The following CDR2 variants were observed in gnomAD, a reference collection of about 807,000 sequenced individuals.
The protein encoded by CDR2 is cerebellar degeneration-related protein 2.
In CDR2, 34 loss-of-function variants were observed where a neutral mutation model predicts 48.4. That is an observed-to-expected ratio of 0.70 (90% CI 0.53 to 0.94). The LOEUF is 0.94. Among genes scored for constraint, CDR2 ranks in the 40% least tolerant of loss-of-function variants. The pLI is 0.00. For synonymous variants in CDR2, 240 were observed against 219.7 expected (o/e 1.09, Z -0.82); for missense variants, 498 against 549.5 (o/e 0.91, Z 0.94).
In CDR2 at chr16:22,364,958, C is replaced by T. The variant is rs1428800066; in HGVS notation, c.136G>A (p.Glu46Lys). 1.2e-6 allele frequency: 2 copies of T among 1,613,584 alleles called. No homozygotes were observed. Among genetic ancestry groups the T allele is most frequent in the East Asian group, 2.2e-5 (1 of 44,866 alleles). ...KTLLDRNTEL[E>K]DSVQQMYTTN... ...GTATACATCTGCTGAACAGAGTCCT[C>T]CAACTCTGTGTTCCGATCCAGTAAT... is the stretch of plus-strand genomic sequence containing the variant. The change falls in exon 2 of 5, where the codon GAG (glutamate) becomes AAG (lysine). Residue 46 changes from glutamate (E) to lysine (K), a missense_variant. Transcript: ENST00000268383.
At chr16:22,364,745 C>T (rs2049033589) in intron 2 of CDR2, among the ~76,000 whole-genome samples, 157 bp downstream of exon 2, 1 of 152,142 alleles carries the variant, frequency 6.6e-6, no homozygotes, top group Admixed American at 6.5e-5. Context: ...CGCCTGTAAT[C>T]CCAGCTACTC....
chr16:22,374,367 C>T lies in CDR2; in HGVS notation c.-58G>A. On this transcript the variant is annotated 5_prime_UTR_variant, in exon 1 of 5. Transcript: ENST00000268383. The stretch of plus-strand genomic sequence containing the variant: ...GCCGCCGTCCCGCCTCAGCCGCTGC[C>T]CCGGGCTCTTCCCCGGCCCCTCCGC... 7.8e-7 allele frequency: 1 copy of T among 1,286,552 alleles called. No homozygotes were observed. The allele number at this position is 1,286,552 out of a possible 1,614,324, so 79.7% of individuals were successfully genotyped here. A position where few individuals can be genotyped will look rare whatever the true frequency, so the allele number is the denominator to read the frequency against.
intron 1 of CDR2, among the ~76,000 whole-genome samples, chr16:22,373,251 A>G (rs2141857074): frequency 6.6e-6 from 1 of 152,314 alleles, no homozygotes; most frequent in East Asian, 1.9e-4. Flanking sequence ...GGGCTACTCT[A>G]CGATTGTTCT....
chr16:22,372,250 C>G (rs1372151838), intron 1 of CDR2, among the ~76,000 whole-genome samples: 1 of 152,156 alleles, frequency 6.6e-6, no homozygotes, highest in Non-Finnish European at 1.5e-5. Context: ...CCTCGTGTAA[C>G]CCTGACACGT....
At chr16:22,352,687 A>T (rs1035862272) in intron 2 of CDR2, among the ~76,000 whole-genome samples, 1 of 150,596 alleles carries the variant, frequency 6.6e-6, no homozygotes, top group Non-Finnish European at 1.5e-5. Flanking sequence ...ATTTAAGGGG[A>T]AAAAAAAAAT....
At chr16:22,362,047 G>A (rs1250262398) in intron 2 of CDR2, among the ~76,000 whole-genome samples, 3 of 151,808 alleles carry the variant, frequency 2.0e-5, no homozygotes, top group African/African-American at 7.3e-5. Flanking sequence ...GACTACAGGC[G>A]CCCGCCACCA....
rs144271194 is a variant in CDR2, at chr16:22,359,712, A to G, written c.192+5190T>C. Among the ~76,000 whole-genome samples, 512 of 152,298 alleles carry G rather than the reference A, an allele frequency of 3.4e-3. 4 individuals carry two copies. The Middle Eastern group carries it at 0.061, about 18-fold the overall frequency. On this transcript the variant is annotated intron_variant, in intron 2 of 4. Transcript: ENST00000268383. ...ATTAAAATTGAGGGTTTAAACCTGA[A>G]TCTCCTAAAACAGAGGCCAGAGCCC...
At chr16:22,371,848 A>ATGTATGTGTGTGTGTGTGTGTG (rs1188848345) in intron 1 of CDR2, among the ~76,000 whole-genome samples, 1 of 148,446 alleles carries the variant, frequency 6.7e-6, no homozygotes, top group African/African-American at 2.5e-5. Flanking sequence ...AGGTTCAGAT[A>ATGTATGTGTGTGTGTGTGTGTG]TGTGTGTGTG....
rs757705179 is a variant in CDR2 at position 22,374,325 on chromosome 16, T to G, written c.-16A>C. ...CCGCCAGCATCTCGGCTGGGTCTTCTAGGGGCAGCGGCCCCCGCCGCCGTC... is the reference window on the plus strand; with the variant it reads ...CCGCCAGCATCTCGGCTGGGTCTTCGAGGGGCAGCGGCCCCCGCCGCCGTC... On this transcript the variant is annotated 5_prime_UTR_variant, in exon 1 of 5. Transcript: ENST00000268383. 2 of 1,569,278 alleles carry G rather than the reference T, an allele frequency of 1.3e-6. No homozygotes were observed. The highest frequency in any genetic ancestry group is 1.7e-6 in the Non-Finnish European group (2 of 1,152,718).
At chr16:22,365,717 AG>A (rs1182519733) in intron 1 of CDR2, among the ~76,000 whole-genome samples, 1 of 152,250 alleles carries the variant, frequency 6.6e-6, no homozygotes, top group Non-Finnish European at 1.5e-5. Flanking sequence ...CCCATAAAAC[AG>A]GATTTGTTTA....
rs545308226 is a variant in CDR2 at position 22,351,541 on chromosome 16, C to A, written c.193-1692G>T. ...TTAATTTGGAAAAAAAAATCAATCTCTTTCTCTGAATGAGGCATTCTGGAC... is the reference window on the plus strand; with the variant it reads ...TTAATTTGGAAAAAAAAATCAATCTATTTCTCTGAATGAGGCATTCTGGAC... On this transcript the variant is annotated intron_variant, in intron 2 of 4. Coordinates refer to ENST00000268383, the MANE Select transcript of CDR2 (RefSeq NM_001802.2). 1.2e-4 allele frequency among the ~76,000 whole-genome samples: 18 copies of A among 152,256 alleles called. No individual in the cohort carries two copies. The South Asian group carries it at 3.7e-3, about 32-fold the overall frequency.
Position 22,347,733 on chromosome 16 carries a change from T to C in CDR2, c.597A>G (p.Lys199=). 6.2e-7 allele frequency: 1 copy of C among 1,614,164 alleles called. No individual in the cohort carries two copies. Among genetic ancestry groups the C allele is most frequent in the Non-Finnish European group, 8.5e-7 (1 of 1,180,042 alleles). ...SPDEEENEHL[K]KTVTMLQAQL... ...GGGCCTGCAACATTGTCACTGTTTTTTTCAAGTGCTCATTTTCCTCTTCAT... is the reference window on the plus strand; with the variant it reads ...GGGCCTGCAACATTGTCACTGTTTTCTTCAAGTGCTCATTTTCCTCTTCAT... Residue 199 remains lysine (K), a synonymous_variant, in exon 5 of 5, where the codon AAA becomes AAG. Coordinates refer to ENST00000268383, the MANE Select transcript of CDR2 (RefSeq NM_001802.2).
chr16:22,347,484 AG>A lies in CDR2; in HGVS notation c.845del (p.Pro282LeufsTer15). On this transcript the variant is annotated frameshift_variant, in exon 5 of 5. Coordinates refer to ENST00000268383, the MANE Select transcript of CDR2 (RefSeq NM_001802.2). LOFTEE classifies it high-confidence loss of function. ...GCAGGCTCTGGCTGGGCTCTTTGAAAGGAACATACAGAGAGTCTGGCACCAG... is the reference window on the plus strand; with the variant it reads ...GCAGGCTCTGGCTGGGCTCTTTGAAAGAACATACAGAGAGTCTGGCACCAG... ...EKLVPDSLYV[P>X]FKEPSQSLLE... 9 of 1,614,088 alleles carry A rather than the reference AG, an allele frequency of 5.6e-6. No individual in the cohort carries two copies. Among genetic ancestry groups the A allele is most frequent in the Non-Finnish European group, 7.6e-6 (9 of 1,180,028 alleles).
intron 2 of CDR2, among the ~76,000 whole-genome samples, 167 bp downstream of exon 2, chr16:22,364,735 C>T (rs537670084): frequency 1.3e-4 from 19 of 151,938 alleles, no homozygotes; most frequent in Non-Finnish European, 1.6e-4. Context: ...TGGTGGCAGG[C>T]GCCTGTAATC....
intron 2 of CDR2, among the ~76,000 whole-genome samples, chr16:22,357,127 C>T (rs935448919): frequency 6.6e-6 from 1 of 152,094 alleles, no homozygotes; most frequent in Non-Finnish European, 1.5e-5. Context: ...CAGCTCACTG[C>T]AATCTTGGTC....
intron 2 of CDR2, among the ~76,000 whole-genome samples, chr16:22,351,031 G>T (rs528019573): frequency 1.6e-4 from 24 of 152,052 alleles, no homozygotes; most frequent in Non-Finnish European, 2.9e-4. Context: ...CACCCCGACA[G>T]GCCCCAGTGT....
Position 22,346,909 on chromosome 16 carries a change from A to G in CDR2, c.*56T>C. ...TCAGAGTCTACAAACACTTGTCTGA[A>G]TGGGAGAGAGAGGCGATAGGCAATA... On this transcript the variant is annotated 3_prime_UTR_variant, in exon 5 of 5. Transcript: ENST00000268383. 6.5e-7 allele frequency: 1 copy of G among 1,547,560 alleles called. No individual in the cohort carries two copies. Among genetic ancestry groups the G allele is most frequent in the Non-Finnish European group, 8.8e-7 (1 of 1,135,494 alleles).
At chr16:22,361,611 T>C (rs2141849816) in intron 2 of CDR2, among the ~76,000 whole-genome samples, 1 of 152,314 alleles carries the variant, frequency 6.6e-6, no homozygotes. Flanking sequence ...GGCTTAGCCA[T>C]TACTGCCATC....
At chr16:22,364,775 C>G in intron 2 of CDR2, 127 bp downstream of exon 2, 1 of 583,138 alleles carries the variant, frequency 1.7e-6, no homozygotes, top group South Asian at 2.2e-5. Context: ...TTCTCATTCT[C>G]AAAAAAGTTT....
Sources: allele counts gnomAD v4.1 joint callset (sites outside exome capture counted in the v4.1 genomes callset), GRCh38; gene constraint gnomAD v4.1.1; transcripts MANE v1.5; gene names NCBI Gene and HGNC (gene_info 2026-07-23, HGNC 2026-07-21).